GALNS: variants seen among roughly 807,000 people sequenced by gnomAD.
The protein encoded by GALNS is N-acetylgalactosamine-6-sulfatase.
GALNS carries 65 observed loss-of-function variants against 65.9 expected under a neutral mutation model. The ratio of observed to expected loss-of-function variants is 0.99; its 90% CI spans 0.81 to 1.21. The LOEUF is 1.21. Among genes scored for constraint, GALNS ranks in the 50% most tolerant of loss-of-function variants. The pLI is 0.00. For missense variants in GALNS, 776 were observed against 700.7 expected (o/e 1.11, Z -1.21); for synonymous variants, 346 against 288.9 (o/e 1.20, Z -2.00).
In GALNS at chr16:88,818,017, C is replaced by A. The variant is rs765976304; in HGVS notation, c.1472G>T (p.Trp491Leu). The A allele has an allele frequency of 3.8e-6, 6 of 1,582,432 alleles. No homozygotes were observed. The South Asian group carries it at 6.9e-5, about 18-fold the overall frequency. The part of the protein sequence containing the change: ...PAQPQLNVCN[W>L]AVMNWAPPGC... Reference sequence around the variant, plus strand: ...ACACCAGCCACTTACCATGACCGCCCAGTTGCACACGTTGAGCTGGGGCTG... The same window carrying A: ...ACACCAGCCACTTACCATGACCGCCAAGTTGCACACGTTGAGCTGGGGCTG... Residue 491 changes from tryptophan to leucine, a missense_variant, in exon 13 of 14, where the codon TGG (tryptophan) becomes TTG (leucine). Trp to Leu is a moderately conservative substitution (Grantham distance 61, BLOSUM62 -2). Coordinates refer to ENST00000268695, the MANE Select transcript of GALNS (RefSeq NM_000512.5).
chr16:88,825,185 A>ACTGGGTGTCTAGGGTGC (rs1910710028), intron 10 of GALNS, among the ~76,000 whole-genome samples: 1 of 63,844 alleles, frequency 1.6e-5, no homozygotes, highest in African/African-American at 6.4e-5. Flanking sequence ...GGCTGGGGTG[A>ACTGGGTGTCTAGGGTGC]CTGGGTGTCT....
chr16:88,825,596 G>T (rs1435578413), intron 10 of GALNS, among the ~76,000 whole-genome samples: 1 of 144,784 alleles, frequency 6.9e-6, no homozygotes, highest in Non-Finnish European at 1.5e-5. Context: ...TGGGGTGCCT[G>T]GGTGTCTGGG....
chr16:88,820,682 T>A (rs1910116527), intron 12 of GALNS, among the ~76,000 whole-genome samples: 1 of 152,216 alleles, frequency 6.6e-6, no homozygotes, highest in African/African-American at 2.4e-5. Context: ...GGTGGGACTG[T>A]GTCTCTGCTC....
chr16:88,825,776 C>G (rs116408424), intron 10 of GALNS, among the ~76,000 whole-genome samples: 2 of 152,048 alleles, frequency 1.3e-5, no homozygotes, highest in African/African-American at 4.8e-5. Flanking sequence ...GGGGACGCAG[C>G]TGGGCACCGT....
chr16:88,853,466 G>A (rs545782641), intron 1 of GALNS, among the ~76,000 whole-genome samples: 12 of 152,256 alleles, frequency 7.9e-5, no homozygotes, highest in South Asian at 2.1e-4. Flanking sequence ...AACCCTCCCC[G>A]GACTCTGGTG....
rs971051753 is a variant in GALNS, at chr16:88,830,242, A to C, written c.1002+1756T>G. Among the ~76,000 whole-genome samples, 57 of 149,732 alleles carry C rather than the reference A, an allele frequency of 3.8e-4. 4 individuals carry two copies. Among genetic ancestry groups the C allele is most frequent in the Admixed American group, 3.0e-3 (46 of 15,126 alleles). On this transcript the variant is annotated intron_variant, in intron 9 of 13. Transcript: ENST00000268695. ...TGAGACTTCATCTCAAAAAAAAAAA[A>C]AAAAAAAAAAAAAACGTGGAACAGG...
chr16:88,856,809 C>A lies in GALNS; in HGVS notation c.69G>T (p.Gly23=), dbSNP rs1178730995. Residue 23 remains glycine (G), a synonymous_variant, in exon 1 of 14, where the codon GGG becomes GGT. Transcript: ENST00000268695. ...LLLVLSAAGM[G]ASGAPQPPNI... ...TGGGGGGCTGCGGGGCGCCCGAGGC[C>A]CCCATCCCCGCGGCGCTGAGCACCA... is the stretch of plus-strand genomic sequence containing the variant. The A allele has an allele frequency of 1.9e-6, 3 of 1,539,216 alleles. No homozygotes were observed. The highest frequency in any genetic ancestry group is 2.6e-6 in the Non-Finnish European group (3 of 1,153,538).
intron 9 of GALNS, among the ~76,000 whole-genome samples, chr16:88,827,777 T>G (rs1275549476): frequency 6.6e-6 from 1 of 152,042 alleles, no homozygotes; most frequent in Non-Finnish European, 1.5e-5. Flanking sequence ...CAGGCTTGGG[T>G]CACTCGACGG....
intron 11 of GALNS, among the ~76,000 whole-genome samples, chr16:88,823,798 A>G (rs1469873520): frequency 6.9e-6 from 1 of 145,966 alleles, no homozygotes; most frequent in Non-Finnish European, 1.5e-5. Flanking sequence ...ACCGATGCCC[A>G]GGACGGCCCT....
At chr16:88,828,703 C>T (rs1023111971) in intron 9 of GALNS, among the ~76,000 whole-genome samples, 2 of 152,340 alleles carry the variant, frequency 1.3e-5, no homozygotes, top group Admixed American at 1.3e-4. Context: ...CTGAAATTGG[C>T]ATTTTTCTCA....
At chr16:88,833,562 T>C (rs1386819455) in intron 8 of GALNS, among the ~76,000 whole-genome samples, 1 of 151,880 alleles carries the variant, frequency 6.6e-6, no homozygotes, top group Non-Finnish European at 1.5e-5. Flanking sequence ...AGTCATTCTC[T>C]TGACTTAGCC....
rs751147216 is a variant in GALNS, at chr16:88,842,734, G to C, written c.216C>G (p.Phe72Leu). Residue 72 changes from phenylalanine (F) to leucine (L), a missense_variant, in exon 2 of 14, where the codon TTC becomes TTG. Coordinates refer to ENST00000268695, the MANE Select transcript of GALNS (RefSeq NM_000512.5). ...GCGAGCACAGAGGGTTGGCAGAATA[G>C]AAGTTTGGGAAAAGCAGCCCTTCTG... is the stretch of plus-strand genomic sequence containing the variant. ...MAAEGLLFPN[F>L]YSANPLCSPS... 6.2e-7 allele frequency: 1 copy of C among 1,613,048 alleles called. No homozygotes were observed. The highest frequency in any genetic ancestry group is 1.7e-5 in the Admixed American group (1 of 59,932).
chr16:88,844,240 G>C (rs962615572), intron 1 of GALNS: 1 of 152,290 alleles, frequency 6.6e-6, no homozygotes, highest in African/African-American at 2.4e-5. Context: ...GGTGATGCCA[G>C]GTGTGATGGC....
rs774781295 is a variant in GALNS, at chr16:88,832,060, A to C, written c.940T>G (p.Phe314Val). ...GCAGGCTCCCTCATCCCTCCTTCAA[A>C]CGTGGTCTGCTTCCCACACAGAAAG... The part of the protein sequence containing the change: ...GPFLCGKQTT[F>V]EGGMREPALA... Residue 314 changes from phenylalanine to valine, a missense_variant, in exon 9 of 14, where the codon TTT (phenylalanine) becomes GTT (valine). Transcript: ENST00000268695. 1 of 1,613,838 alleles carries C rather than the reference A, an allele frequency of 6.2e-7. No homozygotes were observed. Among genetic ancestry groups the C allele is most frequent in the South Asian group, 1.1e-5 (1 of 91,086 alleles).
intron 1 of GALNS, chr16:88,843,122 G>A (rs1967064017): frequency 6.9e-7 from 1 of 1,454,874 alleles, no homozygotes; most frequent in African/African-American, 1.4e-5. Context: ...TTCAGGTGGG[G>A]AATGTGTCCG....
intron 1 of GALNS, chr16:88,855,527 A>T (rs1434019729): frequency 2.8e-6 from 2 of 702,518 alleles, no homozygotes; most frequent in Admixed American, 4.0e-5. Context: ...CAGTCACTGC[A>T]CACAAATAAG....
chr16:88,826,221 A>G (rs1412618957), intron 10 of GALNS, among the ~76,000 whole-genome samples: 2 of 140,286 alleles, frequency 1.4e-5, no homozygotes, highest in African/African-American at 2.7e-5. Flanking sequence ...GTGCCCAGGT[A>G]CAGGCAGGCA....
In GALNS at chr16:88,837,576, C is replaced by A. The variant is rs1336019095; in HGVS notation, c.566+46G>T. 1.9e-6 allele frequency: 3 copies of A among 1,601,474 alleles called. No homozygotes were observed. In the East Asian group the frequency reaches 6.7e-5, roughly 36 times the overall value. On this transcript the variant is annotated intron_variant, in intron 5 of 13. Transcript: ENST00000268695. ...AGAGGCGGGGGGCAGGCACGCCGGGCACAGCAGTTCAGGACGTGGGAGGGG... is the reference window on the plus strand; with the variant it reads ...AGAGGCGGGGGGCAGGCACGCCGGGAACAGCAGTTCAGGACGTGGGAGGGG...
rs536958099 is a variant in GALNS, at chr16:88,834,540, G to A, written c.898+673C>T. Among the ~76,000 whole-genome samples, 140 of 137,060 alleles carry A rather than the reference G, an allele frequency of 1.0e-3. 1 individual carries two copies. Among genetic ancestry groups the A allele is most frequent in the African/African-American group, 3.2e-3 (116 of 36,494 alleles). 89.9% of individuals were successfully genotyped at this position (137,060 alleles called of 152,430 possible). ...AAGAGGCTGTAGGGCTCTCCCCACC[G>A]CGTGGTCTGGGAAGAGGCTGCAGGG... is the stretch of plus-strand genomic sequence containing the variant. On this transcript the variant is annotated intron_variant, in intron 8 of 13. Transcript: ENST00000268695.
Sources: allele counts gnomAD v4.1 joint callset (sites outside exome capture counted in the v4.1 genomes callset), GRCh38; gene constraint gnomAD v4.1.1; transcripts MANE v1.5; gene names NCBI Gene and HGNC (gene_info 2026-07-23, HGNC 2026-07-21).